SRP19: variants seen among roughly 807,000 people sequenced by gnomAD.
SRP19 encodes the protein signal recognition particle 19.
A neutral mutation model predicts 22.4 loss-of-function variants in SRP19; 11 were observed. The ratio of observed to expected loss-of-function variants is 0.49; its 90% CI spans 0.31 to 0.81. The LOEUF is 0.81. Among genes scored for constraint, SRP19 ranks in the 40% least tolerant of loss-of-function variants. The pLI, the probability that SRP19 is intolerant of heterozygous loss-of-function variation, is 0.05. For synonymous variants in SRP19, 61 were observed against 57.6 expected (o/e 1.06, Z -0.27); for missense variants, 168 against 175.9 (o/e 0.96, Z 0.25).
At chr5:112,871,559 C>T (rs967848670), downstream of SRP19, among the ~76,000 whole-genome samples, 1 of 151,914 alleles carries the variant, frequency 6.6e-6, no homozygotes, top group Admixed American at 6.6e-5. Flanking sequence ...GAGTTCGAGA[C>T]CAGCCTGGCC....
chr5:112,882,810 A>T (rs1464555223), intron 4 of SRP19, among the ~76,000 whole-genome samples: 3 of 152,206 alleles, frequency 2.0e-5, no homozygotes, highest in African/African-American at 7.2e-5. Context: ...CAACTATTTC[A>T]TACCTTCTCT....
chr5:112,863,171 A>G (rs541291161), intron 2 of SRP19, among the ~76,000 whole-genome samples: 2 of 152,324 alleles, frequency 1.3e-5, no homozygotes, highest in East Asian at 3.9e-4. Flanking sequence ...TCGCCTCCGC[A>G]TATGCTCAAA....
chr5:112,861,431 C>T lies in SRP19; in HGVS notation c.41+14C>T, dbSNP rs1561636656. ...CGACCAGGACAGGTGGGTTCTGAGG[C>T]GGTGGGTCCTCCGAAAGGAAGGGGC... On this transcript the variant is annotated intron_variant, in intron 1 of 4. Coordinates refer to ENST00000505459, the MANE Select transcript of SRP19 (RefSeq NM_003135.3). The T allele has an allele frequency of 6.2e-7, 1 of 1,610,996 alleles. No individual in the cohort carries two copies. The highest frequency in any genetic ancestry group is 2.2e-5 in the East Asian group (1 of 44,762).
chr5:112,871,328 G>C (rs1452766072), downstream of SRP19, among the ~76,000 whole-genome samples: 1 of 95,416 alleles, frequency 1.0e-5, no homozygotes, highest in African/African-American at 4.1e-5. Context: ...ATGTTTTTTT[G>C]AGACAGGTCT....
At chr5:112,885,734 C>G in intron 4 of SRP19, 1 of 293,384 alleles carries the variant, frequency 3.4e-6, no homozygotes, top group Non-Finnish European at 7.1e-6. Context: ...AAGCTTGAAG[C>G]TATTAATGAA....
At chr5:112,888,824 T>C (rs1168820272) in intron 4 of SRP19, among the ~76,000 whole-genome samples, 2 of 150,774 alleles carry the variant, frequency 1.3e-5, no homozygotes, top group Admixed American at 1.3e-4. Flanking sequence ...AGTTGGAGAC[T>C]GACATGGTTT....
chr5:112,871,103 C>G (rs1026317046), downstream of SRP19, among the ~76,000 whole-genome samples: 5 of 152,118 alleles, frequency 3.3e-5, no homozygotes, highest in African/African-American at 1.2e-4. Flanking sequence ...ACACCACGCC[C>G]AGCCAATTTC....
At chr5:112,893,297 C>T (rs1768559996), downstream of SRP19, 2 of 241,612 alleles carry the variant, frequency 8.3e-6, no homozygotes. Flanking sequence ...GTAATCCAAG[C>T]TACTTGGGAA....
At chr5:112,888,768 C>T (rs1335213709) in intron 4 of SRP19, among the ~76,000 whole-genome samples, 1 of 150,838 alleles carries the variant, frequency 6.6e-6, no homozygotes, top group Admixed American at 6.6e-5. Flanking sequence ...CACCTGTAGT[C>T]CCAGTGACTT....
intron 4 of SRP19, among the ~76,000 whole-genome samples, chr5:112,876,050 T>C (rs1309209115): frequency 6.6e-6 from 1 of 151,960 alleles, no homozygotes; most frequent in Admixed American, 6.6e-5. Context: ...AAAAAAAGTT[T>C]ATTACATCAA....
intron 4 of SRP19, among the ~76,000 whole-genome samples, chr5:112,879,656 T>C (rs1027460999): frequency 2.0e-5 from 3 of 151,952 alleles, no homozygotes; most frequent in African/African-American, 7.2e-5. Context: ...TTTTGTATTT[T>C]TAGTAGAGAT....
downstream of SRP19, chr5:112,893,347 T>A: frequency 4.4e-6 from 1 of 227,608 alleles, no homozygotes; most frequent in South Asian, 5.8e-5. Context: ...AAGGCGGAGG[T>A]TGCAGTGAGT....
chr5:112,886,397 T>G (rs1426819631), intron 4 of SRP19, among the ~76,000 whole-genome samples: 2 of 152,208 alleles, frequency 1.3e-5, no homozygotes, highest in Non-Finnish European at 2.9e-5. Context: ...ACAAGTGTCT[T>G]AGAGTAGACA....
At chr5:112,870,254 A>C (rs1328383035), downstream of SRP19, among the ~76,000 whole-genome samples, 1 of 152,170 alleles carries the variant, frequency 6.6e-6, no homozygotes, top group Non-Finnish European at 1.5e-5. Context: ...TGGGAGGCTG[A>C]GGCAGGAGGA....
At chr5:112,861,524 T>C (rs2150023940) in intron 1 of SRP19, 107 bp downstream of exon 1, 2 of 1,224,876 alleles carry the variant, frequency 1.6e-6, no homozygotes, top group Non-Finnish European at 2.3e-6. Flanking sequence ...GCCTAGCTGA[T>C]CCAACTCGCT....
chr5:112,872,873 C>T (rs1166077184), downstream of SRP19, among the ~76,000 whole-genome samples: 2 of 152,122 alleles, frequency 1.3e-5, no homozygotes, highest in Non-Finnish European at 2.9e-5. Context: ...TGTTCTTAGA[C>T]CTTGCATATT....
intron 1 of SRP19, 139 bp downstream of exon 1, chr5:112,861,556 C>G: frequency 4.6e-6 from 4 of 866,660 alleles, no homozygotes; most frequent in South Asian, 1.8e-5. Context: ...CCGCGCCTCT[C>G]CCTGGCAGCT....
chr5:112,896,794 G>A (rs1417210477), downstream of SRP19: 4 of 152,132 alleles, frequency 2.6e-5, no homozygotes, highest in Non-Finnish European at 5.9e-5. Flanking sequence ...TTAGCCGGGC[G>A]TGGTTGTGCA....
intron 4 of SRP19, chr5:112,878,749 G>A (rs1443901137): frequency 2.5e-6 from 4 of 1,612,788 alleles, no homozygotes; most frequent in Non-Finnish European, 3.4e-6. Context: ...CCAGTAGGAA[G>A]GTACAGAGAG....
Sources: gnomAD v4.1 joint callset for allele counts (sites outside exome capture counted in the v4.1 genomes callset) on GRCh38, gnomAD v4.1.1 for gene constraint, MANE v1.5 for transcripts, NCBI Gene and HGNC (gene_info 2026-07-23, HGNC 2026-07-21) for gene names.